CADPS2: variants seen among roughly 807,000 people sequenced by gnomAD.
CADPS2 encodes the protein calcium-dependent secretion activator 2.
A neutral mutation model predicts 172.5 loss-of-function variants in CADPS2; 93 were observed. That is an observed-to-expected ratio of 0.54 (90% CI 0.46 to 0.64). CADPS2 has a LOEUF of 0.64. CADPS2 is among the 30% of genes least tolerant of loss of function. The pLI, the probability that CADPS2 is intolerant of heterozygous loss-of-function variation, is 0.00. For missense variants in CADPS2, 1,420 were observed against 1,565.9 expected, an observed-to-expected ratio of 0.91 and a Z score of 1.57; for synonymous variants, 546 against 555.2, an observed-to-expected ratio of 0.98 and a Z score of 0.23.
intron 6 of CADPS2, among the ~76,000 whole-genome samples, chr7:122,604,779 A>G (rs961162891): frequency 2.0e-5 from 3 of 152,158 alleles, no homozygotes; most frequent in Admixed American, 6.6e-5. Context: ...AAACATTGAC[A>G]TTTAACATAA....
chr7:122,540,837 G>C (rs1348578476), intron 8 of CADPS2, among the ~76,000 whole-genome samples: 2 of 152,022 alleles, frequency 1.3e-5, no homozygotes, highest in Non-Finnish European at 2.9e-5. Context: ...GTATCACAAA[G>C]TTCCAGTTTT....
In CADPS2 at chr7:122,338,319, A is replaced by G. The variant is rs188105211; in HGVS notation, c.3612+7255T>C. Among the ~76,000 whole-genome samples, 37 of 152,284 alleles carry G rather than the reference A, an allele frequency of 2.4e-4. No individual in the cohort carries two copies. The East Asian group carries it at 4.6e-3, about 19-fold the overall frequency. On this transcript the variant is annotated intron_variant, in intron 28 of 29. Transcript: ENST00000449022. ...GGCTGAGGAAGAATTGCTTGAGCCC[A>G]GGAGGCAGAGGTTACAGTGAGCTGA...
intron 2 of CADPS2, among the ~76,000 whole-genome samples, chr7:122,664,747 T>C (rs13221540): frequency 0.051 from 7,772 of 152,254 alleles, 259 homozygotes; most frequent in African/African-American, 0.058. Flanking sequence ...ATAAATTATA[T>C]GCTGTTATTG....
At chr7:122,681,718 G>T in intron 2 of CADPS2, 2 of 589,826 alleles carry the variant, frequency 3.4e-6, no homozygotes, top group Non-Finnish European at 2.8e-6. Context: ...AAATAAAATG[G>T]AAATTGTAAA....
At chr7:122,425,596 A>G (rs1585901804) in intron 17 of CADPS2, among the ~76,000 whole-genome samples, 1 of 151,910 alleles carries the variant, frequency 6.6e-6, no homozygotes, top group South Asian at 2.1e-4. Context: ...ACAGAGTGAG[A>G]CCCTGTCTCA....
At chr7:122,824,377 T>C (rs544767347) in intron 1 of CADPS2, among the ~76,000 whole-genome samples, 3 of 152,328 alleles carry the variant, frequency 2.0e-5, no homozygotes, top group Admixed American at 6.5e-5. Flanking sequence ...ACTGGTGAAT[T>C]TGAACTCATA....
At chr7:122,749,925 A>G (rs1562930841) in intron 1 of CADPS2, among the ~76,000 whole-genome samples, 1 of 151,766 alleles carries the variant, frequency 6.6e-6, no homozygotes, top group African/African-American at 2.4e-5. Flanking sequence ...TAATAAGAAA[A>G]GGCAAATTTT....
At chr7:122,437,638 T>C (rs1014303284) in intron 17 of CADPS2, among the ~76,000 whole-genome samples, 2 of 152,118 alleles carry the variant, frequency 1.3e-5, no homozygotes, top group East Asian at 1.9e-4. Flanking sequence ...GCCAGTTTTA[T>C]GACAATTTGA....
chr7:122,829,840 CA>C (rs1805980789), intron 1 of CADPS2, among the ~76,000 whole-genome samples: 1 of 152,000 alleles, frequency 6.6e-6, no homozygotes, highest in Admixed American at 6.6e-5. Flanking sequence ...TGTTGTATCT[CA>C]AAAGTCACCA....
In CADPS2 at chr7:122,451,465, T is replaced by C; in HGVS notation, c.2197A>G (p.Ile733Val). ...SHVHGNRPDG[I>V]GTVSVEEKER... ...TTTTCTTCCACTGAAACAGTCCCAA[T>C]TCCATCAGGCCTGAAAAAAAAATCA... The change falls in exon 15 of 30, where the codon ATT becomes GTT. Residue 733 changes from isoleucine to valine, a missense_variant. Ile to Val is a conservative substitution (Grantham distance 29). Transcript: ENST00000449022. 2.5e-6 allele frequency: 4 copies of C among 1,572,182 alleles called. No individual in the cohort carries two copies. Among genetic ancestry groups the C allele is most frequent in the Non-Finnish European group, 1.7e-6 (2 of 1,157,298 alleles).
intron 1 of CADPS2, among the ~76,000 whole-genome samples, chr7:122,763,040 A>G (rs879864855): frequency 1.3e-5 from 2 of 152,128 alleles, no homozygotes; most frequent in Non-Finnish European, 2.9e-5. Context: ...ACACACACAG[A>G]TATGTTTCTT....
intron 20 of CADPS2, among the ~76,000 whole-genome samples, chr7:122,399,088 T>C (rs1318490338): frequency 6.6e-6 from 1 of 152,122 alleles, no homozygotes; most frequent in African/African-American, 2.4e-5. Context: ...TGCTAATATA[T>C]ATTTATACAC....
intron 17 of CADPS2, among the ~76,000 whole-genome samples, chr7:122,436,864 A>C (rs940092873): frequency 2.6e-5 from 4 of 152,146 alleles, no homozygotes; most frequent in African/African-American, 9.6e-5. Context: ...ACAAAGATAA[A>C]GTGCACTGCA....
chr7:122,759,373 T>C (rs749916204), intron 1 of CADPS2, among the ~76,000 whole-genome samples: 3 of 152,264 alleles, frequency 2.0e-5, no homozygotes, highest in South Asian at 2.1e-4. Context: ...AAGGGGTGGA[T>C]TGAAATGCAA....
chr7:122,404,762 C>T (rs1273810510), intron 20 of CADPS2, among the ~76,000 whole-genome samples: 1 of 152,038 alleles, frequency 6.6e-6, no homozygotes, highest in African/African-American at 2.4e-5. Flanking sequence ...TTTAAAATAA[C>T]CCCCAAAATA....
intron 1 of CADPS2, among the ~76,000 whole-genome samples, chr7:122,764,402 G>A (rs1755032864): frequency 6.6e-6 from 1 of 152,082 alleles, no homozygotes; most frequent in Non-Finnish European, 1.5e-5. Context: ...AAATAGATTT[G>A]TTCATTAATT....
At chr7:122,818,855 G>A (rs1281024176) in intron 1 of CADPS2, among the ~76,000 whole-genome samples, 1 of 152,060 alleles carries the variant, frequency 6.6e-6, no homozygotes, top group Non-Finnish European at 1.5e-5. Flanking sequence ...TAAAAATCCA[G>A]CCCAGCTCAT....
intron 2 of CADPS2, among the ~76,000 whole-genome samples, chr7:122,724,747 T>C (rs2402620): frequency 0.66 from 100,092 of 151,478 alleles, 33,917 homozygotes; most frequent in Middle Eastern, 0.85. Context: ...CCTTTTTTTT[T>C]CCCATGTGTT....
chr7:122,640,470 T>TACACAC (rs10544198), intron 3 of CADPS2, among the ~76,000 whole-genome samples: 6 of 137,604 alleles, frequency 4.4e-5, no homozygotes, highest in South Asian at 2.4e-4. Flanking sequence ...CACACACATA[T>TACACAC]ACACACACAC....
Sources: allele counts gnomAD v4.1 joint callset (sites outside exome capture counted in the v4.1 genomes callset), GRCh38; gene constraint gnomAD v4.1.1; transcripts MANE v1.5; gene names NCBI Gene and HGNC (gene_info 2026-07-23, HGNC 2026-07-21).